The following DLGAP2 variants were observed in gnomAD, a reference collection of about 807,000 sequenced individuals.
DLGAP2 encodes DLG associated protein 2.
In DLGAP2, 26 loss-of-function variants were observed where a neutral mutation model predicts 100.3. The observed-to-expected ratio is 0.26, with a 90% CI of 0.19 to 0.36. DLGAP2 has a LOEUF of 0.36. Ranked by LOEUF, DLGAP2 falls within the 10% of genes least tolerant of loss-of-function variation. The pLI, the probability that DLGAP2 is intolerant of heterozygous loss-of-function variation, is 1.00. For missense variants in DLGAP2, 1,858 were observed against 1,453.2 expected (o/e 1.28, Z -4.53); for synonymous variants, 886 against 630.1 (o/e 1.41, Z -6.08).
intron 3 of DLGAP2, among the ~76,000 whole-genome samples, chr8:1,296,416 A>G (rs1412345828): frequency 6.6e-6 from 1 of 152,170 alleles, no homozygotes; most frequent in Non-Finnish European, 1.5e-5. Context: ...AAAATATGTC[A>G]TGATTATCCA....
chr8:1,090,666 A>G (rs1449424833), intron 2 of DLGAP2, among the ~76,000 whole-genome samples: 1 of 152,226 alleles, frequency 6.6e-6, no homozygotes, highest in Non-Finnish European at 1.5e-5. Context: ...GCTGCTGTGC[A>G]GGTGGAAGGC....
At chr8:768,950 C>T (rs560954929) in intron 1 of DLGAP2, among the ~76,000 whole-genome samples, 6 of 152,070 alleles carry the variant, frequency 3.9e-5, no homozygotes, top group Non-Finnish European at 8.8e-5. Flanking sequence ...GAACCTTGGG[C>T]GTCCGCAGCC....
intron 3 of DLGAP2, among the ~76,000 whole-genome samples, chr8:1,359,200 C>G (rs969514744): frequency 6.6e-6 from 1 of 152,176 alleles, no homozygotes; most frequent in East Asian, 1.9e-4. Flanking sequence ...GGAGGACAGA[C>G]ACCTCCTGGT....
intron 1 of DLGAP2, among the ~76,000 whole-genome samples, chr8:805,244 ACTT>A (rs1176307254): frequency 6.6e-6 from 1 of 152,176 alleles, no homozygotes; most frequent in Non-Finnish European, 1.5e-5. Flanking sequence ...GATAAGGACT[ACTT>A]CTTCCTGTTC....
intron 3 of DLGAP2, among the ~76,000 whole-genome samples, chr8:1,352,322 G>C (rs932366570): frequency 6.6e-6 from 1 of 151,298 alleles, no homozygotes; most frequent in African/African-American, 2.4e-5. Context: ...TGCGGGTCCT[G>C]AGTGTGTGTG....
chr8:1,329,277 C>G (rs73170460), intron 3 of DLGAP2, among the ~76,000 whole-genome samples: 4 of 152,086 alleles, frequency 2.6e-5, no homozygotes, highest in African/African-American at 9.7e-5. Flanking sequence ...GAAGTTTACT[C>G]TCAGTAATCG....
chr8:816,028 C>T (rs1796469973), intron 1 of DLGAP2, among the ~76,000 whole-genome samples: 1 of 152,134 alleles, frequency 6.6e-6, no homozygotes, highest in South Asian at 2.1e-4. Context: ...AGAGTAGTTA[C>T]TCCTGCTTGC....
At chr8:1,513,020 G>C (rs530420930) in intron 4 of DLGAP2, among the ~76,000 whole-genome samples, 5 of 150,164 alleles carry the variant, frequency 3.3e-5, no homozygotes, top group African/African-American at 1.2e-4. Context: ...TCCCAGTGCA[G>C]AGGAGGATGG....
chr8:1,601,896 C>A (rs937545862), intron 6 of DLGAP2, among the ~76,000 whole-genome samples: 1 of 151,612 alleles, frequency 6.6e-6, no homozygotes, highest in Non-Finnish European at 1.5e-5. Context: ...ACCAGGCAAT[C>A]TGAGGTAGCT....
Position 966,329 on chromosome 8 carries a change from C to CTT in DLGAP2, c.73+58363_73+58364insTT, listed in dbSNP as rs1799870348. ...TGAACACTTGATCAGAAAGAGAAAA[C>CTT]GGATGACATGTTTCTGATAAATCAT... On this transcript the variant is annotated intron_variant, in intron 2 of 14. Coordinates refer to ENST00000637795, the MANE Select transcript of DLGAP2 (RefSeq NM_001346810.2). Among the ~76,000 whole-genome samples, 4 of 152,252 alleles carry CTT rather than the reference C, an allele frequency of 2.6e-5. No individual in the cohort carries two copies. The South Asian group carries it at 6.2e-4, about 24-fold the overall frequency.
At chr8:1,698,379 TC>T (rs917559924) in intron 14 of DLGAP2, among the ~76,000 whole-genome samples, 20 of 147,488 alleles carry the variant, frequency 1.4e-4, no homozygotes, top group African/African-American at 4.8e-4. Flanking sequence ...ATGGGACAGG[TC>T]CACGTAAGCC....
intron 3 of DLGAP2, among the ~76,000 whole-genome samples, chr8:1,468,588 C>T (rs995824068): frequency 1.3e-5 from 2 of 152,234 alleles, no homozygotes; most frequent in African/African-American, 4.8e-5. Context: ...AGGTCAGGAC[C>T]CCGGCATCCC....
chr8:1,538,493 C>G (rs1249686151), intron 4 of DLGAP2, among the ~76,000 whole-genome samples: 1 of 152,170 alleles, frequency 6.6e-6, no homozygotes, highest in Non-Finnish European at 1.5e-5. Flanking sequence ...CTTTCAGGCT[C>G]AGGGCTCAGA....
intron 12 of DLGAP2, among the ~76,000 whole-genome samples, chr8:1,683,415 G>A (rs1252300548): frequency 6.6e-6 from 1 of 151,522 alleles, no homozygotes; most frequent in African/African-American, 2.4e-5. Flanking sequence ...CATCCTGCCT[G>A]TGGGGAGGGT....
intron 2 of DLGAP2, among the ~76,000 whole-genome samples, chr8:986,191 C>T (rs1210236265): frequency 6.6e-6 from 1 of 152,090 alleles, no homozygotes; most frequent in African/African-American, 2.4e-5. Flanking sequence ...CTTCCGGAAG[C>T]TCTTGGGATC....
At chr8:1,079,918 G>A (rs1803746506) in intron 2 of DLGAP2, among the ~76,000 whole-genome samples, 1 of 152,216 alleles carries the variant, frequency 6.6e-6, no homozygotes, top group African/African-American at 2.4e-5. Context: ...GGCACAGGCT[G>A]GTTAAGTGGC....
intron 2 of DLGAP2, among the ~76,000 whole-genome samples, chr8:1,202,585 G>C (rs1797902722): frequency 6.6e-6 from 1 of 152,144 alleles, no homozygotes; most frequent in South Asian, 2.1e-4. Context: ...GGGAGGTGTG[G>C]AGACACCACA....
intron 1 of DLGAP2, among the ~76,000 whole-genome samples, chr8:797,286 T>TA (rs1796055999): frequency 6.6e-6 from 1 of 152,330 alleles, no homozygotes; most frequent in South Asian, 2.1e-4. Flanking sequence ...TTCCTACTCT[T>TA]AAAAAAATGG....
intron 2 of DLGAP2, among the ~76,000 whole-genome samples, chr8:1,132,939 G>C (rs947750676): frequency 6.6e-6 from 1 of 152,164 alleles, no homozygotes; most frequent in Non-Finnish European, 1.5e-5. Flanking sequence ...TCGCTAGAAA[G>C]ACTTACTTTC....
Sources: allele counts gnomAD v4.1 joint callset (sites outside exome capture counted in the v4.1 genomes callset), GRCh38; gene constraint gnomAD v4.1.1; transcripts MANE v1.5; gene names NCBI Gene and HGNC (gene_info 2026-07-23, HGNC 2026-07-21).